Variants in MTA3 observed in about 807,000 individuals in gnomAD.
MTA3 encodes metastasis-associated protein MTA3.
MTA3 carries 34 observed loss-of-function variants against 83.5 expected under a neutral mutation model. The observed-to-expected ratio is 0.41, with a 90% CI of 0.31 to 0.54. MTA3 has a LOEUF of 0.54. Among genes scored for constraint, MTA3 ranks in the 20% least tolerant of loss-of-function variants. The probability of loss-of-function intolerance (pLI) is 0.33; values close to 1 mark genes in which losing one functional copy is unlikely to be tolerated. For synonymous variants in MTA3, 303 were observed against 252.7 expected (o/e 1.20, Z -1.89); for missense variants, 761 against 726.4 (o/e 1.05, Z -0.55).
intron 9 of MTA3, among the ~76,000 whole-genome samples, chr2:42,689,937 T>C (rs534234850): frequency 6.2e-4 from 94 of 152,096 alleles, no homozygotes; most frequent in Non-Finnish European, 1.2e-3. Flanking sequence ...TCCTTTACAT[T>C]GCTTTGGACT....
chr2:42,645,370 C>G (rs916242907), intron 6 of MTA3, among the ~76,000 whole-genome samples: 4 of 151,924 alleles, frequency 2.6e-5, no homozygotes, highest in Admixed American at 2.6e-4. Context: ...ACTAAAAATA[C>G]AAAAACTAGC....
At position 42,755,777 on chromosome 2, in the gene MTA3, C is replaced by T; in HGVS notation, c.*2378C>T. On this transcript the variant is annotated 3_prime_UTR_variant, in exon 17 of 17. Coordinates refer to ENST00000405094, the MANE Select transcript of MTA3 (RefSeq NM_001330442.2). ...GTGTCAGTGGCATGTCACTGTGGTTCAGTGAGCACATGGGTGGACGTGCAG... is the reference window on the plus strand; with the variant it reads ...GTGTCAGTGGCATGTCACTGTGGTTTAGTGAGCACATGGGTGGACGTGCAG... 1 of 985,564 alleles carries T rather than the reference C, an allele frequency of 1.0e-6. No homozygotes were observed. The highest frequency in any genetic ancestry group is 1.1e-4 in the East Asian group (1 of 8,812). 61.1% of individuals were successfully genotyped at this position (985,564 alleles called of 1,614,324 possible).
At chr2:42,620,419 C>T (rs1369110973) in intron 4 of MTA3, among the ~76,000 whole-genome samples, 2 of 151,988 alleles carry the variant, frequency 1.3e-5, no homozygotes, top group South Asian at 2.1e-4. Flanking sequence ...CGTGCCCTGC[C>T]GACATCACAC....
intron 2 of MTA3, among the ~76,000 whole-genome samples, chr2:42,548,866 A>ATATATAT (rs1553340743): frequency 3.6e-4 from 6 of 16,708 alleles, no homozygotes; most frequent in African/African-American, 2.5e-3. Flanking sequence ...TATAATATAT[A>ATATATAT]TATATATATA....
chr2:42,729,757 A>G (rs1668119404), intron 16 of MTA3, among the ~76,000 whole-genome samples: 1 of 152,164 alleles, frequency 6.6e-6, no homozygotes, highest in Non-Finnish European at 1.5e-5. Flanking sequence ...TTTGTTCAGA[A>G]TAGCTTTGGC....
intron 4 of MTA3, among the ~76,000 whole-genome samples, chr2:42,631,713 G>A (rs370825246): frequency 6.6e-6 from 1 of 151,816 alleles, no homozygotes; most frequent in Non-Finnish European, 1.5e-5. Context: ...TTTTTGAGAC[G>A]GAGTCTCCCT....
intron 16 of MTA3, among the ~76,000 whole-genome samples, chr2:42,748,200 T>TG (rs1491473178): frequency 0.31 from 42,797 of 138,984 alleles, 6,685 homozygotes; most frequent in East Asian, 0.56. Flanking sequence ...AGCTAATGTG[T>TG]TTGTGTGTGT....
chr2:42,730,383 G>A (rs4953603), intron 16 of MTA3, among the ~76,000 whole-genome samples: 90,296 of 151,988 alleles, frequency 0.59, 28,508 homozygotes, highest in African/African-American at 0.81. Context: ...GTGTTGAAGT[G>A]TGTTCCTTGT....
At chr2:42,604,391 T>G (rs538071949) in intron 3 of MTA3, among the ~76,000 whole-genome samples, 1 of 152,298 alleles carries the variant, frequency 6.6e-6, no homozygotes, top group South Asian at 2.1e-4. Flanking sequence ...GTGTTAAATC[T>G]TGAAAGAAGA....
Position 42,667,570 on chromosome 2 carries a change from T to TTGTGTG in MTA3, c.702+7742_702+7747dup, listed in dbSNP as rs1553379043. Among the ~76,000 whole-genome samples the TTGTGTG allele has an allele frequency of 7.5e-3, 1,082 of 145,008 alleles. 6 individuals are homozygous for TTGTGTG. Among genetic ancestry groups the TTGTGTG allele is most frequent in the Non-Finnish European group, 0.011 (751 of 66,056 alleles). ...TGTCAGAATTTCCATCATTTAAAAA[T>TTGTGTG]TGTGTGTGTGTGTGTGTGTGTGTGT... On this transcript the variant is annotated intron_variant, in intron 8 of 16. Transcript: ENST00000405094.
intron 2 of MTA3, among the ~76,000 whole-genome samples, chr2:42,522,513 G>A (rs1675475321): frequency 6.6e-6 from 1 of 152,104 alleles, no homozygotes; most frequent in Admixed American, 6.6e-5. Flanking sequence ...AAGGCTGGAG[G>A]GACCCAGTGC....
At chr2:42,622,492 A>C (rs1685682497) in intron 4 of MTA3, among the ~76,000 whole-genome samples, 1 of 152,194 alleles carries the variant, frequency 6.6e-6, no homozygotes, top group African/African-American at 2.4e-5. Flanking sequence ...ATTCATAACA[A>C]ATACTTGCTA....
intron 3 of MTA3, among the ~76,000 whole-genome samples, chr2:42,586,304 G>T (rs1445312129): frequency 2.0e-5 from 3 of 150,942 alleles, no homozygotes; most frequent in Non-Finnish European, 4.4e-5. Context: ...GAAAATTTAG[G>T]CCAGGGGCAG....
rs546183001 is a variant in MTA3, at chr2:42,756,847, C to G, written c.*3448C>G. 7.1e-6 allele frequency: 7 copies of G among 985,296 alleles called. No homozygotes were observed. In the African/African-American group the frequency reaches 8.7e-5, roughly 12 times the overall value. The allele number at this position is 985,296 out of a possible 1,614,324, so 61.0% of individuals were successfully genotyped here. A position where few individuals can be genotyped will look rare whatever the true frequency, so the allele number is the denominator to read the frequency against. Reference sequence around the variant, plus strand: ...TCATGAGTGTTTCCGCAGGATAATTCGTTCTGAGCATGATACCACAGTGTG... The same window carrying G: ...TCATGAGTGTTTCCGCAGGATAATTGGTTCTGAGCATGATACCACAGTGTG... On this transcript the variant is annotated 3_prime_UTR_variant, in exon 17 of 17. Transcript: ENST00000405094.
chr2:42,611,181 C>A (rs546474951), intron 4 of MTA3, among the ~76,000 whole-genome samples: 1 of 151,752 alleles, frequency 6.6e-6, no homozygotes, highest in Admixed American at 6.6e-5. Flanking sequence ...GACAGGGTTT[C>A]GCCATGTTGG....
chr2:42,735,717 C>G (rs933317069), intron 16 of MTA3, among the ~76,000 whole-genome samples: 3 of 152,288 alleles, frequency 2.0e-5, no homozygotes, highest in Non-Finnish European at 4.4e-5. Flanking sequence ...CTGACTAATT[C>G]TTTCTTGTGC....
intron 16 of MTA3, among the ~76,000 whole-genome samples, chr2:42,744,152 G>A (rs759929249): frequency 5.9e-5 from 9 of 152,194 alleles, no homozygotes; most frequent in Non-Finnish European, 1.3e-4. Context: ...TATGTATTGA[G>A]AGGGTTTCAG....
At chr2:42,709,124 A>T (rs781666710) in intron 14 of MTA3, 28 bp downstream of exon 14, 1 of 1,556,188 alleles carries the variant, frequency 6.4e-7, no homozygotes, top group African/African-American at 1.4e-5. Flanking sequence ...TCTTAACCTT[A>T]TATGTTGTGC....
intron 4 of MTA3, among the ~76,000 whole-genome samples, chr2:42,636,058 G>A (rs1287038316): frequency 2.0e-5 from 3 of 152,082 alleles, no homozygotes; most frequent in Admixed American, 2.0e-4. Context: ...CGTGAGCCAC[G>A]GCGCCGGGCC....
Sources: gnomAD v4.1 joint callset for allele counts (sites outside exome capture counted in the v4.1 genomes callset) on GRCh38, gnomAD v4.1.1 for gene constraint, MANE v1.5 for transcripts, NCBI Gene and HGNC (gene_info 2026-07-23, HGNC 2026-07-21) for gene names.